The following TMTC1 variants were observed in gnomAD, a reference collection of about 807,000 sequenced individuals.
TMTC1 encodes the protein protein O-mannosyl-transferase TMTC1.
A neutral mutation model predicts 104.8 loss-of-function variants in TMTC1; 73 were observed. The observed-to-expected ratio is 0.70, with a 90% CI of 0.58 to 0.85. TMTC1 has a LOEUF of 0.85. Ranked by LOEUF, TMTC1 falls within the 40% of genes least tolerant of loss-of-function variation. The pLI is 0.00. For missense variants in TMTC1, 1,035 were observed against 1,096.1 expected, an observed-to-expected ratio of 0.94 and a Z score of 0.79; for synonymous variants, 434 against 428.7, an observed-to-expected ratio of 1.01 and a Z score of -0.15.
At chr12:29,518,865 T>C (rs1228975641) in intron 12 of TMTC1, among the ~76,000 whole-genome samples, 4 of 152,212 alleles carry the variant, frequency 2.6e-5, no homozygotes, top group Non-Finnish European at 5.9e-5. Context: ...TTTAATTATA[T>C]ATATTATTTT....
At chr12:29,535,475 C>G (rs1944617101) in intron 11 of TMTC1, 1 of 152,192 alleles carries the variant, frequency 6.6e-6, no homozygotes. Context: ...CATACAGTAT[C>G]AAATCACTTA....
chr12:29,598,226 T>G (rs1946464839), intron 7 of TMTC1, among the ~76,000 whole-genome samples: 1 of 152,224 alleles, frequency 6.6e-6, no homozygotes, highest in African/African-American at 2.4e-5. Context: ...CAAAACGGAT[T>G]CACTCTCTTC....
intron 7 of TMTC1, among the ~76,000 whole-genome samples, chr12:29,584,215 C>G (rs1006232368): frequency 2.0e-5 from 3 of 152,138 alleles, no homozygotes; most frequent in African/African-American, 7.2e-5. Context: ...AACATGTTAT[C>G]TGAGTAGCAC....
intron 7 of TMTC1, among the ~76,000 whole-genome samples, chr12:29,602,824 T>C (rs1946602024): frequency 6.6e-6 from 1 of 152,208 alleles, no homozygotes; most frequent in Non-Finnish European, 1.5e-5. Context: ...ATTCACTTAC[T>C]TGTGTAGCAC....
intron 6 of TMTC1, among the ~76,000 whole-genome samples, chr12:29,613,586 C>A (rs1034619446): frequency 1.3e-5 from 2 of 152,144 alleles, no homozygotes; most frequent in African/African-American, 4.8e-5. Context: ...AGCGCTTAAT[C>A]ATTTTATTCC....
chr12:29,661,093 T>C (rs1476552548), intron 5 of TMTC1, among the ~76,000 whole-genome samples: 4 of 152,070 alleles, frequency 2.6e-5, no homozygotes, highest in Non-Finnish European at 5.9e-5. Flanking sequence ...CCGAACCTCT[T>C]TGCACATCTA....
intron 12 of TMTC1, chr12:29,519,500 G>A (rs1944088552): frequency 6.6e-6 from 1 of 152,178 alleles, no homozygotes. Context: ...TTAGAACACT[G>A]TGAAATTCTA....
chr12:29,558,898 A>G (rs1945312259), intron 9 of TMTC1, among the ~76,000 whole-genome samples: 3 of 152,182 alleles, frequency 2.0e-5, no homozygotes, highest in African/African-American at 7.2e-5. Flanking sequence ...TGCCCAGGAA[A>G]GTGTCCCGCA....
chr12:29,643,442 T>TC (rs1310658139), intron 5 of TMTC1, among the ~76,000 whole-genome samples: 6 of 132,694 alleles, frequency 4.5e-5, no homozygotes, highest in Non-Finnish European at 9.3e-5. Flanking sequence ...TATATATATA[T>TC]ATATCACATA....
chr12:29,556,850 C>CT lies in TMTC1; in HGVS notation c.1676+6_1676+7insA. On this transcript the variant is annotated splice_region_variant and intron_variant, in intron 10 of 17. Coordinates refer to ENST00000539277, the MANE Select transcript of TMTC1 (RefSeq NM_001193451.2). Reference sequence around the variant, plus strand: ...GCCACCTGATCGATGGTAAACGTCCCACTTACTTGAGGAGATTCCCCAGAT... The same window carrying CT: ...GCCACCTGATCGATGGTAAACGTCCCTACTTACTTGAGGAGATTCCCCAGAT... 1 of 1,613,642 alleles carries CT rather than the reference C, an allele frequency of 6.2e-7. No individual in the cohort carries two copies. The highest frequency in any genetic ancestry group is 1.1e-5 in the South Asian group (1 of 90,960).
At chr12:29,688,906 T>C (rs1941179073) in intron 5 of TMTC1, among the ~76,000 whole-genome samples, 1 of 152,248 alleles carries the variant, frequency 6.6e-6, no homozygotes, top group South Asian at 2.1e-4. Context: ...TAACATTTCC[T>C]GTCCTCCCTG....
chr12:29,619,311 A>T (rs1266691469), intron 6 of TMTC1, among the ~76,000 whole-genome samples: 1 of 152,226 alleles, frequency 6.6e-6, no homozygotes, highest in Non-Finnish European at 1.5e-5. Context: ...CCAGGCCTAG[A>T]TCAAAAGCCA....
chr12:29,545,676 C>CACACACACACACACAG (rs1555167547), intron 10 of TMTC1, among the ~76,000 whole-genome samples: 1,721 of 137,908 alleles, frequency 0.012, 94 homozygotes, highest in African/African-American at 0.03. Flanking sequence ...CACACACACA[C>CACACACACACACACAG]GGATAGAAAC....
chr12:29,631,047 AC>A (rs1938269573), intron 6 of TMTC1, among the ~76,000 whole-genome samples: 1 of 152,122 alleles, frequency 6.6e-6, no homozygotes, highest in Non-Finnish European at 1.5e-5. Flanking sequence ...TTAATTAAAA[AC>A]TTTGCATATC....
chr12:29,565,639 G>A (rs980221380), intron 9 of TMTC1, among the ~76,000 whole-genome samples: 1 of 152,164 alleles, frequency 6.6e-6, no homozygotes, highest in Non-Finnish European at 1.5e-5. Context: ...ATGAGGTCAG[G>A]AGTTCAAGAC....
At chr12:29,734,867 C>T (rs1242946086) in intron 5 of TMTC1, among the ~76,000 whole-genome samples, 1 of 152,132 alleles carries the variant, frequency 6.6e-6, no homozygotes, top group Non-Finnish European at 1.5e-5. Flanking sequence ...AAAGTGATTG[C>T]CTGGGACTGC....
At chr12:29,680,319 T>A (rs1027631280) in intron 5 of TMTC1, among the ~76,000 whole-genome samples, 3 of 152,186 alleles carry the variant, frequency 2.0e-5, no homozygotes, top group Admixed American at 6.5e-5. Context: ...AGCACCACAA[T>A]GCCCTGATTT....
rs74643686 is a variant in TMTC1, at chr12:29,712,112, C to T, written c.938+39554G>A. ...ACTGCTCTCCAGCTCTCCAATATAA[C>T]GCAAACTTCCCCTCAACTACATCCG... On this transcript the variant is annotated intron_variant, in intron 5 of 17. Coordinates refer to ENST00000539277, the MANE Select transcript of TMTC1 (RefSeq NM_001193451.2). 9.7e-3 allele frequency among the ~76,000 whole-genome samples: 1,455 copies of T among 150,646 alleles called. 25 individuals carry two copies. Among genetic ancestry groups the T allele is most frequent in the African/African-American group, 0.031 (1,273 of 40,954 alleles).
chr12:29,628,911 C>T (rs955801252), intron 6 of TMTC1, among the ~76,000 whole-genome samples: 8 of 152,082 alleles, frequency 5.3e-5, no homozygotes, highest in African/African-American at 9.7e-5. Context: ...ATCTGCCTGC[C>T]TTGGCCTCCC....
Sources: gnomAD v4.1 joint callset for allele counts (sites outside exome capture counted in the v4.1 genomes callset) on GRCh38, gnomAD v4.1.1 for gene constraint, MANE v1.5 for transcripts, NCBI Gene and HGNC (gene_info 2026-07-23, HGNC 2026-07-21) for gene names.